Variants in DDX59 observed in about 807,000 individuals in gnomAD.
The protein encoded by DDX59 is probable ATP-dependent RNA helicase DDX59.
In DDX59, 30 loss-of-function variants were observed where a neutral mutation model predicts 51.9. That is an observed-to-expected ratio of 0.58 (90% confidence interval 0.43 to 0.78). The LOEUF is 0.78. Ranked by LOEUF, DDX59 falls within the 30% of genes least tolerant of loss-of-function variation. DDX59 has a pLI of 0.00. For missense variants in DDX59, 672 were observed against 730.8 expected (o/e 0.92, Z 0.93); for synonymous variants, 255 against 253.3 (o/e 1.01, Z -0.06).
downstream of DDX59, among the ~76,000 whole-genome samples, chr1:200,642,241 G>GT (rs1275634959): frequency 2.0e-5 from 3 of 152,012 alleles, no homozygotes; most frequent in African/African-American, 2.4e-5. Flanking sequence ...GTGATTATTA[G>GT]TTTTTTTAGC....
At chr1:200,646,289 G>A (rs1383329566) in intron 7 of DDX59, among the ~76,000 whole-genome samples, 2 of 151,998 alleles carry the variant, frequency 1.3e-5, no homozygotes, top group Non-Finnish European at 2.9e-5. Flanking sequence ...AGCTATGACT[G>A]TGCCACTGTA....
At chr1:200,641,177 G>T, downstream of DDX59, 3 of 1,304,614 alleles carry the variant, frequency 2.3e-6, no homozygotes, top group Non-Finnish European at 3.0e-6. Flanking sequence ...ATTGATTGTG[G>T]TGAGTAGACT....
At position 200,644,224 on chromosome 1, in the gene DDX59, TA is replaced by T. The variant is rs200630479; in HGVS notation, c.*29del. On this transcript the variant is annotated 3_prime_UTR_variant, in exon 8 of 8. Transcript: ENST00000331314. ...ATAATTTTTTGCTGACTATATACAATAAAAAAAAATATTCAAGTGGCAGAGA... is the reference window on the plus strand; with the variant it reads ...ATAATTTTTTGCTGACTATATACAATAAAAAAAATATTCAAGTGGCAGAGA... 1,408 of 1,436,304 alleles carry T rather than the reference TA, an allele frequency of 9.8e-4. No homozygotes were observed. The highest frequency in any genetic ancestry group is 2.5e-3 in the Admixed American group (103 of 41,520). 89.0% of individuals were successfully genotyped at this position (1,436,304 alleles called of 1,614,324 possible). A position where few individuals can be genotyped will look rare whatever the true frequency, so the allele number is the denominator to read the frequency against.
intron 3 of DDX59, among the ~76,000 whole-genome samples, chr1:200,662,318 C>A (rs1172126769): frequency 2.6e-5 from 4 of 152,142 alleles, no homozygotes; most frequent in Non-Finnish European, 2.9e-5. Context: ...CAGCAAGTTA[C>A]TTCCAGAAGG....
At chr1:200,665,120 T>C (rs2102923399) in intron 2 of DDX59, among the ~76,000 whole-genome samples, 1 of 152,328 alleles carries the variant, frequency 6.6e-6, no homozygotes, top group Non-Finnish European at 1.5e-5. Context: ...AAGTAAGGTA[T>C]GGTAGTGATT....
At position 200,666,626 on chromosome 1, in the gene DDX59, C is replaced by T. The variant is rs771416471; in HGVS notation, c.115G>A (p.Asp39Asn). The T allele has an allele frequency of 6.2e-7, 1 of 1,614,186 alleles. No individual in the cohort carries two copies. Among genetic ancestry groups the T allele is most frequent in the Non-Finnish European group, 8.5e-7 (1 of 1,180,030 alleles). ...GTAGCTACAGCATCAACGGGAACAT[C>T]TCTGCTTTTGTCCAACTGAAGGTCT... ...PEDLQLDKSR[D>N]VPVDAVATEA... The change falls in exon 2 of 8, where the codon GAT becomes AAT. Residue 39 changes from aspartate (D) to asparagine (N), a missense_variant. Coordinates refer to ENST00000331314, the MANE Select transcript of DDX59 (RefSeq NM_001031725.6).
intron 4 of DDX59, among the ~76,000 whole-genome samples, chr1:200,653,504 T>C (rs188379028): frequency 1.4e-4 from 21 of 152,234 alleles, no homozygotes; most frequent in African/African-American, 4.3e-4. Flanking sequence ...CCCCATCCCA[T>C]AACCAATTCT....
chr1:200,663,992 C>T lies in DDX59; in HGVS notation c.899G>A (p.Arg300His), dbSNP rs201675175. 1.1e-5 allele frequency: 17 copies of T among 1,614,048 alleles called. No individual in the cohort carries two copies. Among genetic ancestry groups the T allele is most frequent in the African/African-American group, 2.7e-5 (2 of 74,924 alleles). The part of the protein sequence containing the change: ...QAKELMSGLP[R>H]MKTVLLVGGL... ...CCCTACAAGAAGCACAGTTTTCATG[C>T]GTGGCAGGCCACTCATCAATTCTTT... The change falls in exon 3 of 8, where the codon CGC becomes CAC. Residue 300 changes from arginine (R) to histidine (H), a missense_variant. By Grantham distance (29) the Arg-to-His change is conservative (BLOSUM62 0). Coordinates refer to ENST00000331314, the MANE Select transcript of DDX59 (RefSeq NM_001031725.6).
At chr1:200,644,851 G>A (rs779984311) in intron 7 of DDX59, among the ~76,000 whole-genome samples, 2 of 142,756 alleles carry the variant, frequency 1.4e-5, no homozygotes, top group Non-Finnish European at 1.5e-5. Flanking sequence ...AGCTGAGATC[G>A]TGCCACTGCA....
intron 1 of DDX59, among the ~76,000 whole-genome samples, chr1:200,668,506 TGG>T (rs1162837632): frequency 1.7e-5 from 2 of 119,130 alleles, no homozygotes; most frequent in African/African-American, 3.4e-5. Flanking sequence ...TCTCATCAGA[TGG>T]GTTTTATTTA....
chr1:200,649,980 C>A (rs1243365413), intron 5 of DDX59, among the ~76,000 whole-genome samples: 1 of 151,746 alleles, frequency 6.6e-6, no homozygotes, highest in African/African-American at 2.4e-5. Flanking sequence ...GTGGCTGGGA[C>A]TACAGGCCTG....
chr1:200,666,204 T>G lies in DDX59; in HGVS notation c.537A>C (p.Glu179Asp). The change falls in exon 2 of 8, where the codon GAA (glutamate) becomes GAC (aspartate). Residue 179 changes from glutamate to aspartate, a missense_variant. Physicochemically the swap from Glu to Asp is conservative, Grantham distance 45 (BLOSUM62 2). Transcript: ENST00000331314. ...GCTGTTTAAGATTTTCAATCTGGTC[T>G]TCCTGAAGGTTCAAAATAAAGGGGT... ...KEHPFILNLQEDQIENLKQQL... is the reference protein window; with the variant it reads ...KEHPFILNLQDDQIENLKQQL... 6.2e-7 allele frequency: 1 copy of G among 1,614,230 alleles called. No homozygotes were observed. Among genetic ancestry groups the G allele is most frequent in the Non-Finnish European group, 8.5e-7 (1 of 1,180,036 alleles).
chr1:200,646,686 A>C (rs1661315302), intron 7 of DDX59, among the ~76,000 whole-genome samples: 1 of 152,338 alleles, frequency 6.6e-6, no homozygotes, highest in Admixed American at 6.5e-5. Context: ...GTTGGAAAAC[A>C]ATCTGGCAGT....
intron 4 of DDX59, among the ~76,000 whole-genome samples, chr1:200,658,713 A>G (rs1322255355): frequency 6.6e-6 from 1 of 152,180 alleles, no homozygotes; most frequent in African/African-American, 2.4e-5. Context: ...TCATTACTTG[A>G]CACTGACTAT....
downstream of DDX59, chr1:200,641,193 A>T (rs769165330): frequency 1.5e-6 from 2 of 1,304,774 alleles, no homozygotes; most frequent in African/African-American, 3.0e-5. Flanking sequence ...AGACTGTATA[A>T]CAAGGCAATA....
chr1:200,664,220 C>A, intron 2 of DDX59, 134 bp from the exon 3 acceptor site: 2 of 881,178 alleles, frequency 2.3e-6, no homozygotes, highest in Non-Finnish European at 3.3e-6. Flanking sequence ...CTCCTGCCTT[C>A]TGCTTACTGC....
At chr1:200,650,764 A>G in intron 4 of DDX59, 88 bp from the exon 5 acceptor site, 1 of 1,204,668 alleles carries the variant, frequency 8.3e-7, no homozygotes, top group Non-Finnish European at 1.1e-6. Flanking sequence ...TAACAATATA[A>G]AAATTAAAAA....
chr1:200,660,451 G>T (rs911781308), intron 3 of DDX59, among the ~76,000 whole-genome samples: 6 of 152,136 alleles, frequency 3.9e-5, no homozygotes, highest in Admixed American at 2.0e-4. Flanking sequence ...ACAGAAAGGC[G>T]GCCCTGCATG....
At chr1:200,654,328 G>T (rs536571717) in intron 4 of DDX59, 1 of 152,146 alleles carries the variant, frequency 6.6e-6, no homozygotes, top group Non-Finnish European at 1.5e-5. Flanking sequence ...CAGGAGAATG[G>T]CATGAACCCA....
Sources: gnomAD v4.1 joint callset for allele counts (sites outside exome capture counted in the v4.1 genomes callset) on GRCh38, gnomAD v4.1.1 for gene constraint, MANE v1.5 for transcripts, NCBI Gene and HGNC (gene_info 2026-07-23, HGNC 2026-07-21) for gene names.